Variants in TMEM182 observed in about 807,000 individuals in gnomAD.
TMEM182 encodes the protein transmembrane protein 182.
In TMEM182, 20 loss-of-function variants were observed where a neutral mutation model predicts 26.8. The ratio of observed to expected loss-of-function variants is 0.75; its 90% confidence interval spans 0.53 to 1.09. The LOEUF (loss-of-function observed/expected upper bound fraction) is 1.09. Ranked by LOEUF, TMEM182 falls within the 50% of genes least tolerant of loss-of-function variation. The probability of loss-of-function intolerance (pLI) is 0.00; values close to 1 mark genes in which losing one functional copy is unlikely to be tolerated. For synonymous variants in TMEM182, 109 were observed against 102.2 expected, an observed-to-expected ratio of 1.07 and a Z score of -0.40; for missense variants, 277 against 275.5, an observed-to-expected ratio of 1.01 and a Z score of -0.04.
At chr2:102,786,210 GTTTTTTT>G (rs772846502) in intron 3 of TMEM182, among the ~76,000 whole-genome samples, 2 of 91,796 alleles carry the variant, frequency 2.2e-5, no homozygotes, top group Non-Finnish European at 4.0e-5. Context: ...TCAGCAATCT[GTTTTTTT>G]TTTTTTTTTT....
At chr2:102,842,197 C>T (rs570510772) in intron 3 of TMEM182, among the ~76,000 whole-genome samples, 2 of 152,308 alleles carry the variant, frequency 1.3e-5, no homozygotes, top group East Asian at 3.9e-4. Context: ...CATCTCTGCT[C>T]AGATGTCCTG....
Position 102,817,456 on chromosome 2 carries a change from A to G in TMEM182, c.*2488A>G, listed in dbSNP as rs1682794383. On this transcript the variant is annotated 3_prime_UTR_variant, in exon 5 of 5. Transcript: ENST00000412401. ...ATATTGTATTTGTTCAGCTGGTTTA[A>G]TTCACTCAGGTGGATGATTGCACAT... 1 of 985,308 alleles carries G rather than the reference A, an allele frequency of 1.0e-6. No individual in the cohort carries two copies. Among genetic ancestry groups the G allele is most frequent in the Non-Finnish European group, 1.2e-6 (1 of 829,938 alleles). The allele number at this position is 985,308 out of a possible 1,614,324, so 61.0% of individuals were successfully genotyped here.
chr2:102,759,127 T>C (rs886778282), upstream of TMEM182, among the ~76,000 whole-genome samples: 2 of 152,240 alleles, frequency 1.3e-5, no homozygotes, highest in African/African-American at 4.8e-5. Context: ...AAGTCTTATA[T>C]TCTTTTCCCC....
At chr2:102,765,546 A>G (rs72828091) in intron 3 of TMEM182, among the ~76,000 whole-genome samples, 29,839 of 152,202 alleles carry the variant, frequency 0.2, 3,724 homozygotes, top group Middle Eastern at 0.31. Flanking sequence ...CCATAATCCA[A>G]CCTAGTGGAT....
chr2:102,786,870 T>C (rs1052236652), intron 3 of TMEM182, among the ~76,000 whole-genome samples: 4 of 151,950 alleles, frequency 2.6e-5, no homozygotes, highest in Non-Finnish European at 5.9e-5. Context: ...AATCAGGAAG[T>C]GGAGGGGGAT....
chr2:102,751,796 A>G (rs1256978371), intron 1 of TMEM182, among the ~76,000 whole-genome samples: 2 of 152,046 alleles, frequency 1.3e-5, no homozygotes, highest in Non-Finnish European at 2.9e-5. Context: ...CATCCCAACT[A>G]TCTAGGGCTA....
At chr2:102,825,793 GGT>G (rs535206377) in intron 3 of TMEM182, among the ~76,000 whole-genome samples, 1 of 152,284 alleles carries the variant, frequency 6.6e-6, no homozygotes, top group African/African-American at 2.4e-5. Flanking sequence ...TTTGTCTGGT[GGT>G]GTCAGTCCCA....
chr2:102,752,697 T>A (rs1679910658), intron 1 of TMEM182, among the ~76,000 whole-genome samples: 1 of 152,222 alleles, frequency 6.6e-6, no homozygotes, highest in African/African-American at 2.4e-5. Flanking sequence ...TGCTGGGTCA[T>A]TAGAGCCTCT....
intron 4 of TMEM182, among the ~76,000 whole-genome samples, chr2:102,804,100 G>A (rs991097004): frequency 1.3e-5 from 2 of 152,112 alleles, no homozygotes; most frequent in East Asian, 1.9e-4. Flanking sequence ...GGCTACAGTG[G>A]CTTTTCTTTT....
chr2:102,744,067 A>G (rs973907852), intron 1 of TMEM182, among the ~76,000 whole-genome samples: 5 of 152,202 alleles, frequency 3.3e-5, no homozygotes, highest in Admixed American at 6.5e-5. Flanking sequence ...TCTGGGTTTA[A>G]TTGACATTTG....
rs1159721301 is a variant in TMEM182 at position 102,816,679 on chromosome 2, T to A, written c.*1711T>A. On this transcript the variant is annotated 3_prime_UTR_variant, in exon 5 of 5. Transcript: ENST00000412401. ...ATTTACTTCTTTGCTTTTGGCTTTG[T>A]TATTAGAAAAAATAATTATGAGGTC... The A allele has an allele frequency of 1.0e-6, 1 of 985,682 alleles. No homozygotes were observed. Among genetic ancestry groups the A allele is most frequent in the African/African-American group, 1.7e-5 (1 of 57,230 alleles). The allele number at this position is 985,682 out of a possible 1,614,324, so 61.1% of individuals were successfully genotyped here.
intron 3 of TMEM182, among the ~76,000 whole-genome samples, chr2:102,828,103 A>C (rs897029018): frequency 2.6e-5 from 4 of 152,194 alleles, no homozygotes; most frequent in African/African-American, 9.7e-5. Context: ...ACATAAATAT[A>C]TAAATAAATA....
At chr2:102,768,064 C>T (rs1420443900) in intron 3 of TMEM182, among the ~76,000 whole-genome samples, 1 of 152,188 alleles carries the variant, frequency 6.6e-6, no homozygotes, top group African/African-American at 2.4e-5. Context: ...CCTTACCTGC[C>T]CCTACGCCAC....
At chr2:102,747,598 A>T (rs913387098) in intron 1 of TMEM182, among the ~76,000 whole-genome samples, 27 of 152,088 alleles carry the variant, frequency 1.8e-4, no homozygotes, top group Admixed American at 4.6e-4. Context: ...TGGTCTTCCC[A>T]TGTTTAGTTG....
intron 3 of TMEM182, among the ~76,000 whole-genome samples, chr2:102,765,582 C>G (rs867404394): frequency 3.3e-5 from 5 of 152,190 alleles, no homozygotes; most frequent in Middle Eastern, 3.2e-3. Context: ...TCACAGAACT[C>G]AACACATCTT....
chr2:102,762,637 T>C lies in TMEM182; in HGVS notation c.183T>C (p.Phe61=), dbSNP rs944519191. ...AAGGGTTCTTCTGGAGGTGTTGGTT[T>C]AATGGGATTGTGGAAGAGAATGACT... The part of the protein sequence containing the change: ...HHEGFFWRCW[F]NGIVEENDSN... Residue 61 remains phenylalanine, a synonymous_variant, in exon 2 of 5, where the codon TTT becomes TTC. Coordinates refer to ENST00000412401, the MANE Select transcript of TMEM182 (RefSeq NM_144632.5). The C allele has an allele frequency of 6.2e-7, 1 of 1,614,046 alleles. No homozygotes were observed. Among genetic ancestry groups the C allele is most frequent in the South Asian group, 1.1e-5 (1 of 91,088 alleles).
chr2:102,780,574 A>G (rs1292871293), intron 3 of TMEM182, among the ~76,000 whole-genome samples: 4 of 152,046 alleles, frequency 2.6e-5, no homozygotes. Flanking sequence ...GGGCTACCTC[A>G]TTTCTACCTC....
intron 4 of TMEM182, among the ~76,000 whole-genome samples, chr2:102,809,490 C>T (rs1682471610): frequency 6.6e-6 from 1 of 152,178 alleles, no homozygotes; most frequent in African/African-American, 2.4e-5. Context: ...GACCTGCTGC[C>T]TTCTAGGCAG....
At chr2:102,765,054 G>A (rs2540293) in intron 3 of TMEM182, among the ~76,000 whole-genome samples, 65,509 of 151,744 alleles carry the variant, frequency 0.43, 14,212 homozygotes, top group African/African-American at 0.46. Flanking sequence ...TTCAAAAATA[G>A]TAGCTATTAT....
Sources: allele counts gnomAD v4.1 joint callset (sites outside exome capture counted in the v4.1 genomes callset), GRCh38; gene constraint gnomAD v4.1.1; transcripts MANE v1.5; gene names NCBI Gene and HGNC (gene_info 2026-07-23, HGNC 2026-07-21).